The following REX1BD variants were observed in gnomAD, a reference collection of about 807,000 sequenced individuals.
REX1BD encodes the protein required for excision 1-B domain-containing protein.
Under a neutral mutation model 24.4 loss-of-function variants are expected in REX1BD, and 22 were observed. The ratio of observed to expected loss-of-function variants is 0.90; its 90% CI spans 0.64 to 1.29. The LOEUF is 1.29. Among genes scored for constraint, REX1BD ranks in the 50% most tolerant of loss-of-function variants. REX1BD has a pLI of 0.00. For missense variants in REX1BD, 293 were observed against 285.3 expected, an observed-to-expected ratio of 1.03 and a Z score of -0.19; for synonymous variants, 146 against 125.9, an observed-to-expected ratio of 1.16 and a Z score of -1.07.
chr19:18,589,694 C>T lies in REX1BD; in HGVS notation c.453+11C>T, dbSNP rs1975997956. On this transcript the variant is annotated intron_variant, in intron 3 of 4. Coordinates refer to ENST00000358607, the MANE Select transcript of REX1BD (RefSeq NM_001100418.2). ...ACGCGGCTGGGCACGGTGAGGCCACCACCCCTTCCCCGCCGTGTCTCTAGG... is the reference window on the plus strand; with the variant it reads ...ACGCGGCTGGGCACGGTGAGGCCACTACCCCTTCCCCGCCGTGTCTCTAGG... 1.4e-6 allele frequency: 2 copies of T among 1,458,186 alleles called. No homozygotes were observed. Among genetic ancestry groups the T allele is most frequent in the South Asian group, 1.4e-5 (1 of 70,164 alleles). 90.3% of individuals were successfully genotyped at this position (1,458,186 alleles called of 1,614,324 possible). A position where few individuals can be genotyped will look rare whatever the true frequency, so the allele number is the denominator to read the frequency against.
Position 18,592,264 on chromosome 19 carries a change from G to C in REX1BD, c.*84G>C. The C allele has an allele frequency of 2.0e-6, 3 of 1,523,768 alleles. No homozygotes were observed. Among genetic ancestry groups the C allele is most frequent in the Non-Finnish European group, 2.7e-6 (3 of 1,101,554 alleles). 94.4% of individuals were successfully genotyped at this position (1,523,768 alleles called of 1,614,324 possible). On this transcript the variant is annotated 3_prime_UTR_variant, in exon 5 of 5. Coordinates refer to ENST00000358607, the MANE Select transcript of REX1BD (RefSeq NM_001100418.2). ...CCAGCCCTAACTGCCAGCTGGCTGG[G>C]GTTGCGCCCCACTGCGCTGCTGACC...
chr19:18,589,813 C>T (rs1225334959), intron 3 of REX1BD, 130 bp downstream of exon 3: 7 of 1,286,264 alleles, frequency 5.4e-6, no homozygotes, highest in South Asian at 1.7e-5. Flanking sequence ...CCACCCCAAT[C>T]CTCTATTAAG....
chr19:18,591,682 A>C, intron 4 of REX1BD: 1 of 180,188 alleles, frequency 5.5e-6, no homozygotes, highest in Admixed American at 5.6e-5. Flanking sequence ...GCTGGAGTGC[A>C]GTGGTGCGGT....
intron 2 of REX1BD, 74 bp downstream of exon 2, chr19:18,589,151 G>A (rs1975980692): frequency 6.8e-7 from 1 of 1,464,320 alleles, no homozygotes; most frequent in Middle Eastern, 1.8e-4. Flanking sequence ...CTCGGCGGGC[G>A]TGCCTGGAGG....
chr19:18,592,231 C>T lies in REX1BD; in HGVS notation c.*51C>T, dbSNP rs760756157. 1.4e-5 allele frequency: 22 copies of T among 1,606,864 alleles called. No individual in the cohort carries two copies. The highest frequency in any genetic ancestry group is 5.0e-5 in the Admixed American group (3 of 59,950). On this transcript the variant is annotated 3_prime_UTR_variant, in exon 5 of 5. Coordinates refer to ENST00000358607, the MANE Select transcript of REX1BD (RefSeq NM_001100418.2). ...GGGAGATGGGAAACGGGGCGGATGG[C>T]GCCCAGCCCAGCCCTAACTGCCAGC... is the stretch of plus-strand genomic sequence containing the variant.
Position 18,589,070 on chromosome 19 carries a change from C to T in REX1BD, c.175C>T (p.Leu59=). Residue 59 remains leucine, a synonymous_variant, in exon 2 of 5, where the codon CTG becomes TTG. Coordinates refer to ENST00000358607, the MANE Select transcript of REX1BD (RefSeq NM_001100418.2). ...QAERAQGFRR[L]EEWLAPVQGL... ...TGAGCGCGCGCAGGGCTTCCGCCGA[C>T]TGGAGGAGTGAGTGGGGGCGCGGAG... 6.6e-7 allele frequency: 1 copy of T among 1,514,224 alleles called. No individual in the cohort carries two copies. Among genetic ancestry groups the T allele is most frequent in the South Asian group, 1.2e-5 (1 of 80,802 alleles). 93.8% of individuals were successfully genotyped at this position (1,514,224 alleles called of 1,614,324 possible). A position where few individuals can be genotyped will look rare whatever the true frequency, so the allele number is the denominator to read the frequency against.
In REX1BD at chr19:18,589,592, T is replaced by A; in HGVS notation, c.362T>A (p.Val121Glu). The A allele has an allele frequency of 6.5e-7, 1 of 1,546,102 alleles. No individual in the cohort carries two copies. The highest frequency in any genetic ancestry group is 1.4e-5 in the African/African-American group (1 of 73,416). ...GCCGCCTCGCGGGAGGTGCTGGCGG[T>A]GGAAGCAGAGCTGGGCGGGCCTCGC... ...FAAASREVLAVEAELGGPRRQ... is the reference protein window; with the variant it reads ...FAAASREVLAEEAELGGPRRQ... Residue 121 changes from valine (V) to glutamate (E), a missense_variant, in exon 3 of 5, where the codon GTG becomes GAG. Transcript: ENST00000358607.
At chr19:18,590,229 T>TTATTTTG in intron 3 of REX1BD, 1 of 120,336 alleles carries the variant, frequency 8.3e-6, no homozygotes, top group African/African-American at 3.7e-5. Flanking sequence ...TTTTTTTTTT[T>TTATTTTG]TTTTTTTTTA....
At chr19:18,589,322 C>CT (rs1191333454) in intron 2 of REX1BD, 91 bp from the exon 3 acceptor site, 4 of 1,546,140 alleles carry the variant, frequency 2.6e-6, no homozygotes, top group Non-Finnish European at 3.5e-6. Flanking sequence ...GTGGGCCTGT[C>CT]TCGCGTTCCC....
chr19:18,592,180 A>C lies in REX1BD; in HGVS notation c.606A>C (p.Ter202CysextTer?), dbSNP rs767925994. 2 of 1,614,054 alleles carry C rather than the reference A, an allele frequency of 1.2e-6. No individual in the cohort carries two copies. Among genetic ancestry groups the C allele is most frequent in the Non-Finnish European group, 1.7e-6 (2 of 1,179,992 alleles). The change falls in exon 5 of 5, where the codon TGA becomes TGC. Residue 202 changes from the stop codon to cysteine, a stop_lost. Transcript: ENST00000358607. ...DLRFDAESAE* is the reference protein window; with the variant it reads ...DLRFDAESAEC Reference sequence around the variant, plus strand: ...GGTTTGATGCGGAATCTGCCGAGTGATGGCGGCTCCCCAGGGATGCGCCGA... The same window carrying C: ...GGTTTGATGCGGAATCTGCCGAGTGCTGGCGGCTCCCCAGGGATGCGCCGA...
rs774967796 is a variant in REX1BD at position 18,589,431 on chromosome 19, G to A, written c.201G>A (p.Gln67=). The part of the protein sequence containing the change: ...RRLEEWLAPV[Q]GLRAWGRGLR... ...CTTTCAGGTGGTTGGCGCCGGTGCA[G>A]GGCCTGAGAGCCTGGGGGCGCGGCC... Residue 67 remains glutamine (Q), a synonymous_variant, in exon 3 of 5, where the codon CAG becomes CAA. Coordinates refer to ENST00000358607, the MANE Select transcript of REX1BD (RefSeq NM_001100418.2). 4.9e-5 allele frequency: 77 copies of A among 1,560,142 alleles called. No homozygotes were observed. In the South Asian group the frequency reaches 7.1e-4, roughly 14 times the overall value.
rs1436488124 is a variant in REX1BD at position 18,589,027 on chromosome 19, C to A, written c.132C>A (p.Arg44=). 13 of 1,527,404 alleles carry A rather than the reference C, an allele frequency of 8.5e-6. No homozygotes were observed. The highest frequency in any genetic ancestry group is 7.4e-5 in the East Asian group (3 of 40,664). The allele number at this position is 1,527,404 out of a possible 1,614,324, so 94.6% of individuals were successfully genotyped here. Reference sequence around the variant, plus strand: ...CCCCGATCCGGACGCTGGTGCAGCGCATCCACCAGCTGCAGGCTGAGCGCG... The same window carrying A: ...CCCCGATCCGGACGCTGGTGCAGCGAATCCACCAGCTGCAGGCTGAGCGCG... ...KDAPIRTLVQ[R]IHQLQAERAQ... The change falls in exon 2 of 5, where the codon CGC becomes CGA. Residue 44 remains arginine (R), a synonymous_variant. Coordinates refer to ENST00000358607, the MANE Select transcript of REX1BD (RefSeq NM_001100418.2).
chr19:18,588,878 G>T lies in REX1BD; in HGVS notation c.77G>T (p.Arg26Leu). Residue 26 changes from arginine to leucine, a missense_variant, in exon 1 of 5, where the codon CGC becomes CTC. Arg to Leu is a moderately radical substitution (Grantham distance 102, BLOSUM62 -2). Transcript: ENST00000358607. ...GAGGAGGCCACCGAAGCTCGGGGAC[G>T]CGAGGAGCCGGCGTGGCCCTGGGTG... The part of the protein sequence containing the change: ...AAEEATEARG[R>L]EEPAWPWKDA... 2 of 1,532,708 alleles carry T rather than the reference G, an allele frequency of 1.3e-6. No individual in the cohort carries two copies. The highest frequency in any genetic ancestry group is 1.7e-6 in the Non-Finnish European group (2 of 1,145,774). 94.9% of individuals were successfully genotyped at this position (1,532,708 alleles called of 1,614,324 possible). A position where few individuals can be genotyped will look rare whatever the true frequency, so the allele number is the denominator to read the frequency against.
chr19:18,590,528 C>A, intron 3 of REX1BD: 1 of 262,540 alleles, frequency 3.8e-6, no homozygotes, highest in Non-Finnish European at 7.4e-6. Flanking sequence ...GGCTTTTTGG[C>A]CTACTTTTAT....
intron 4 of REX1BD, chr19:18,591,640 T>A (rs1976043371): frequency 6.2e-6 from 1 of 161,020 alleles, no homozygotes; most frequent in Non-Finnish European, 1.4e-5. Context: ...TTCTTTCTTT[T>A]TTTTGAGATA....
chr19:18,590,403 T>G (rs1283806020), intron 3 of REX1BD: 2 of 157,022 alleles, frequency 1.3e-5, no homozygotes, highest in African/African-American at 4.8e-5. Flanking sequence ...TTTTTTTTAG[T>G]AGAGACGGGG....
rs1400756403 is a variant in REX1BD at position 18,589,088 on chromosome 19, G to A, written c.182+11G>A. The A allele has an allele frequency of 6.0e-6, 9 of 1,494,956 alleles. No homozygotes were observed. Among genetic ancestry groups the A allele is most frequent in the East Asian group, 2.5e-5 (1 of 40,500 alleles). The allele number at this position is 1,494,956 out of a possible 1,614,324, so 92.6% of individuals were successfully genotyped here. A position where few individuals can be genotyped will look rare whatever the true frequency, so the allele number is the denominator to read the frequency against. On this transcript the variant is annotated intron_variant, in intron 2 of 4. Coordinates refer to ENST00000358607, the MANE Select transcript of REX1BD (RefSeq NM_001100418.2). ...CCGCCGACTGGAGGAGTGAGTGGGG[G>A]CGCGGAGGGGCTCAGGGTTCGGTCC... is the stretch of plus-strand genomic sequence containing the variant.
chr19:18,589,486 C>A lies in REX1BD; in HGVS notation c.256C>A (p.Arg86Ser). The part of the protein sequence containing the change: ...LRVPTCRRGH[R>S]QYLRSGPDYD... ...GGTCCCCACATGCCGCAGAGGCCAC[C>A]GCCAGTACCTGCGCAGCGGCCCTGA... The change falls in exon 3 of 5, where the codon CGC becomes AGC. Residue 86 changes from arginine (R) to serine (S), a missense_variant. By Grantham distance (110) the Arg-to-Ser change is moderately radical. Transcript: ENST00000358607. 1 of 1,563,904 alleles carries A rather than the reference C, an allele frequency of 6.4e-7. No individual in the cohort carries two copies. The highest frequency in any genetic ancestry group is 1.2e-5 in the South Asian group (1 of 85,318).
rs1568437639 is a variant in REX1BD at position 18,589,666 on chromosome 19, C to G, written c.436C>G (p.Gln146Glu). 6.7e-7 allele frequency: 1 copy of G among 1,487,498 alleles called. No individual in the cohort carries two copies. The highest frequency in any genetic ancestry group is 8.9e-7 in the Non-Finnish European group (1 of 1,126,932). The allele number at this position is 1,487,498 out of a possible 1,614,324, so 92.1% of individuals were successfully genotyped here. The change falls in exon 3 of 5, where the codon CAG becomes GAG. Residue 146 changes from glutamine (Q) to glutamate (E), a missense_variant. Physicochemically the swap from Gln to Glu is conservative, Grantham distance 29. Coordinates refer to ENST00000358607, the MANE Select transcript of REX1BD (RefSeq NM_001100418.2). ...GHVRSLQELE[Q>E]TRLGTVALLQ... ...CGTGCGCAGCCTGCAGGAGCTGGAGCAGACGCGGCTGGGCACGGTGAGGCC... is the reference window on the plus strand; with the variant it reads ...CGTGCGCAGCCTGCAGGAGCTGGAGGAGACGCGGCTGGGCACGGTGAGGCC...
Sources: gnomAD v4.1 joint callset for allele counts on GRCh38, gnomAD v4.1.1 for gene constraint, MANE v1.5 for transcripts, NCBI Gene and HGNC (gene_info 2026-07-23, HGNC 2026-07-21) for gene names.